The following SCYL2 variants were observed in gnomAD, a reference collection of about 807,000 sequenced individuals.
SCYL2 encodes the protein SCY1 like pseudokinase 2.
SCYL2 carries 36 observed loss-of-function variants against 100.4 expected under a neutral mutation model. The ratio of observed to expected loss-of-function variants is 0.36; its 90% CI spans 0.27 to 0.47. SCYL2 has a LOEUF of 0.47. SCYL2 is among the 20% of genes least tolerant of loss of function. The pLI, the probability that SCYL2 is intolerant of heterozygous loss-of-function variation, is 1.00. For synonymous variants in SCYL2, 330 were observed against 359.2 expected (o/e 0.92, Z 0.92); for missense variants, 902 against 1,083.9 (o/e 0.83, Z 2.36).
chr12:100,269,114 A>G (rs1453336755), intron 1 of SCYL2, among the ~76,000 whole-genome samples: 1 of 152,202 alleles, frequency 6.6e-6, no homozygotes, highest in Non-Finnish European at 1.5e-5. Flanking sequence ...TTAGTGTTTA[A>G]AATCTTTCAG....
At chr12:100,297,918 A>T (rs2096322815) in intron 3 of SCYL2, 113 bp from the exon 4 acceptor site, 12 of 872,764 alleles carry the variant, frequency 1.4e-5, no homozygotes, top group Admixed American at 1.3e-4. Flanking sequence ...AACAAATGTA[A>T]AATAGTTACC....
rs548529419 is a variant in SCYL2 at position 100,292,984 on chromosome 12, T to G, written c.335+1324T>G. 7.1e-4 allele frequency among the ~76,000 whole-genome samples: 107 copies of G among 151,622 alleles called. 1 individual carries two copies. Among genetic ancestry groups the G allele is most frequent in the African/African-American group, 2.5e-3 (104 of 41,302 alleles). On this transcript the variant is annotated intron_variant, in intron 3 of 17. Coordinates refer to ENST00000360820, the MANE Select transcript of SCYL2 (RefSeq NM_017988.6). ...GTGTGTGCTACCATGCCCAGCTAAT[T>G]TTTTGATTTTTAATTTAAAAATTTT...
chr12:100,327,046 G>A, intron 12 of SCYL2: 1 of 333,020 alleles, frequency 3.0e-6, no homozygotes, highest in Non-Finnish European at 5.5e-6. Context: ...TACTGGAAAT[G>A]CTGATACTGG....
chr12:100,327,267 TAA>T (rs1382738477), intron 12 of SCYL2: 1 of 291,202 alleles, frequency 3.4e-6, no homozygotes, highest in Non-Finnish European at 7.1e-6. Flanking sequence ...CTAATATGTT[TAA>T]GTCTTAATTA....
chr12:100,326,694 A>G lies in SCYL2; in HGVS notation c.1582A>G (p.Ile528Val), dbSNP rs200840416. 37 of 1,611,462 alleles carry G rather than the reference A, an allele frequency of 2.3e-5. No individual in the cohort carries two copies. The highest frequency in any genetic ancestry group is 3.1e-5 in the Non-Finnish European group (36 of 1,179,072). The change falls in exon 12 of 18, where the codon ATC becomes GTC. Residue 528 changes from isoleucine (I) to valine (V), a missense_variant. Transcript: ENST00000360820. ...GGATAAGTGGTTTGTACTTGATGAT[A>G]TCCTACCCTTCTTACAACAAATTCC... Reference protein sequence around the residue: ...YLDKWFVLDDILPFLQQIPSK... With the variant: ...YLDKWFVLDDVLPFLQQIPSK...
chr12:100,286,834 T>G (rs1227222080), intron 2 of SCYL2, among the ~76,000 whole-genome samples: 2 of 151,930 alleles, frequency 1.3e-5, no homozygotes, highest in Non-Finnish European at 2.9e-5. Context: ...TAAAGGAAAC[T>G]TTTATGTGAA....
rs1007206464 is a variant in SCYL2 at position 100,340,615 on chromosome 12, A to G, written c.*1443A>G. The stretch of plus-strand genomic sequence containing the variant: ...TTCATTGAAAATATATACACAATAT[A>G]TGTAATACACAGCACTTGATTACAA... On this transcript the variant is annotated 3_prime_UTR_variant, in exon 18 of 18. Transcript: ENST00000360820. The G allele has an allele frequency of 6.6e-6, 1 of 152,090 alleles. No individual in the cohort carries two copies. The highest frequency in any genetic ancestry group is 2.1e-4 in the South Asian group (1 of 4,830). The allele number at this position is 152,090 out of a possible 1,614,324, so 9.4% of individuals were successfully genotyped here. A position where few individuals can be genotyped will look rare whatever the true frequency, so the allele number is the denominator to read the frequency against.
intron 2 of SCYL2, among the ~76,000 whole-genome samples, chr12:100,287,856 T>C (rs2096306114): frequency 6.6e-6 from 1 of 152,232 alleles, no homozygotes; most frequent in Non-Finnish European, 1.5e-5. Context: ...ATAAAAAGCT[T>C]TAATTGCTTA....
chr12:100,294,692 G>T (rs1459201180), intron 3 of SCYL2, among the ~76,000 whole-genome samples: 3 of 125,704 alleles, frequency 2.4e-5, no homozygotes, highest in South Asian at 2.5e-4. Flanking sequence ...CTGGCCGGGC[G>T]GGGGGCTGAC....
chr12:100,282,319 CTTTTTT>C lies in SCYL2; in HGVS notation c.-28-605_-28-600del, dbSNP rs1180915936. Among the ~76,000 whole-genome samples, 3 of 85,598 alleles carry C rather than the reference CTTTTTT, an allele frequency of 3.5e-5. 1 individual carries two copies. The highest frequency in any genetic ancestry group is 1.4e-4 in the African/African-American group (3 of 21,114). The allele number at this position is 85,598 out of a possible 152,430, so 56.2% of individuals were successfully genotyped here. On this transcript the variant is annotated intron_variant, in intron 1 of 17. Transcript: ENST00000360820. ...AAACCCCACAAAACCCACTTTTAGT[CTTTTTT>C]TTTTTTTTTTTTTTTTTTGAGATGC...
chr12:100,315,247 G>T (rs976417917), intron 8 of SCYL2, among the ~76,000 whole-genome samples: 3 of 152,184 alleles, frequency 2.0e-5, no homozygotes, highest in African/African-American at 7.2e-5. Context: ...ATGTTGTGTG[G>T]TATGAATCGT....
At chr12:100,328,861 T>C (rs1216645513) in intron 12 of SCYL2, among the ~76,000 whole-genome samples, 2 of 152,240 alleles carry the variant, frequency 1.3e-5, no homozygotes, top group East Asian at 1.9e-4. Flanking sequence ...CTGAAATATA[T>C]ATTTAGATGT....
At chr12:100,329,415 AG>A in intron 13 of SCYL2, 96 bp downstream of exon 13, 2 of 613,052 alleles carry the variant, frequency 3.3e-6, no homozygotes, top group Non-Finnish European at 5.9e-6. Flanking sequence ...TAAAAAAAAA[AG>A]GGTGAGGGGA....
At chr12:100,305,262 C>T (rs868022043) in intron 4 of SCYL2, among the ~76,000 whole-genome samples, 11 of 152,284 alleles carry the variant, frequency 7.2e-5, no homozygotes, top group East Asian at 3.9e-4. Context: ...AAGTAAAACA[C>T]GCCTCAGCAA....
At chr12:100,295,857 A>C (rs2096319662) in intron 3 of SCYL2, among the ~76,000 whole-genome samples, 1 of 151,990 alleles carries the variant, frequency 6.6e-6, no homozygotes, top group African/African-American at 2.4e-5. Context: ...CAGAACTGGA[A>C]ACTGGGGCAG....
At chr12:100,280,627 T>G (rs1368180977) in intron 1 of SCYL2, among the ~76,000 whole-genome samples, 1 of 152,212 alleles carries the variant, frequency 6.6e-6, no homozygotes, top group Non-Finnish European at 1.5e-5. Context: ...CAATTACTAA[T>G]TATTAATACA....
At chr12:100,318,146 T>A (rs180750010) in intron 10 of SCYL2, among the ~76,000 whole-genome samples, 1 of 152,298 alleles carries the variant, frequency 6.6e-6, no homozygotes, top group African/African-American at 2.4e-5. Context: ...AATCAGTCTG[T>A]GTACATAATA....
At position 100,335,882 on chromosome 12, in the gene SCYL2, C is replaced by T. The variant is rs375189020; in HGVS notation, c.2001C>T (p.Asp667=). 1.2e-4 allele frequency: 192 copies of T among 1,612,392 alleles called. No individual in the cohort carries two copies. Among genetic ancestry groups the T allele is most frequent in the Non-Finnish European group, 1.6e-4 (183 of 1,178,758 alleles). ...GCAGTGAGTCCGAAAATAAAGAGGA[C>T]GGGTTACAGAATAAACATAAAAGAG... ...LTGSESENKE[D]GLQNKHKRAS... Residue 667 remains aspartate (D), a synonymous_variant, in exon 16 of 18, where the codon GAC becomes GAT. Transcript: ENST00000360820.
chr12:100,332,245 A>T (rs189950817), intron 13 of SCYL2, among the ~76,000 whole-genome samples: 1 of 152,208 alleles, frequency 6.6e-6, no homozygotes, highest in Admixed American at 6.5e-5. Context: ...GGTCTGATCA[A>T]GTAACACCCT....
Sources: gnomAD v4.1 joint callset for allele counts (sites outside exome capture counted in the v4.1 genomes callset) on GRCh38, gnomAD v4.1.1 for gene constraint, MANE v1.5 for transcripts, NCBI Gene and HGNC (gene_info 2026-07-23, HGNC 2026-07-21) for gene names.